UBTD2: variants seen among roughly 807,000 people sequenced by gnomAD.
UBTD2 encodes the protein ubiquitin domain containing 2, also known as ubiquitin domain-containing protein 2.
In UBTD2, 9 loss-of-function variants were observed where a neutral mutation model predicts 19.8. That is an observed-to-expected ratio of 0.46 (90% confidence interval 0.27 to 0.79). The LOEUF (loss-of-function observed/expected upper bound fraction) is 0.79, where lower values mean the gene tolerates loss of function less well. Among genes scored for constraint, UBTD2 ranks in the 30% least tolerant of loss-of-function variants. The pLI, the probability that UBTD2 is intolerant of heterozygous loss-of-function variation, is 0.14. For synonymous variants in UBTD2, 98 were observed against 103.9 expected, an observed-to-expected ratio of 0.94 and a Z score of 0.35; for missense variants, 250 against 300.4, an observed-to-expected ratio of 0.83 and a Z score of 1.24.
chr5:172,213,710 G>A (rs1771491107), intron 2 of UBTD2, among the ~76,000 whole-genome samples: 1 of 152,170 alleles, frequency 6.6e-6, no homozygotes, highest in African/African-American at 2.4e-5. Flanking sequence ...CACCTCCTGA[G>A]TAGCTGAGAC....
chr5:172,220,489 G>T (rs1167870226), intron 2 of UBTD2, among the ~76,000 whole-genome samples: 1 of 152,134 alleles, frequency 6.6e-6, no homozygotes, highest in Non-Finnish European at 1.5e-5. Flanking sequence ...TACAAAACTA[G>T]CCGAGCGTGG....
intron 1 of UBTD2, among the ~76,000 whole-genome samples, chr5:172,266,273 G>A (rs545285110): frequency 1.7e-4 from 26 of 152,288 alleles, no homozygotes; most frequent in Non-Finnish European, 3.7e-4. Context: ...GAAACAGCAC[G>A]AAAGCCCTAA....
intron 1 of UBTD2, among the ~76,000 whole-genome samples, chr5:172,263,296 C>G (rs1755309583): frequency 6.6e-6 from 1 of 152,084 alleles, no homozygotes; most frequent in South Asian, 2.1e-4. Flanking sequence ...CATACAAGTT[C>G]AAGTATGTCA....
At position 172,254,757 on chromosome 5, in the gene UBTD2, G is replaced by T. The variant is rs563561046; in HGVS notation, c.71-20399C>A. 3.9e-5 allele frequency: 11 copies of T among 278,768 alleles called. No homozygotes were observed. The East Asian group carries it at 8.3e-4, about 21-fold the overall frequency. The allele number at this position is 278,768 out of a possible 1,614,324, so 17.3% of individuals were successfully genotyped here. ...GGGGGGGAACACTGAGTTCATTAAG[G>T]GGGGGGTGACATTTCTTCAGGATAA... On this transcript the variant is annotated intron_variant, in intron 1 of 2. Coordinates refer to ENST00000393792, the MANE Select transcript of UBTD2 (RefSeq NM_152277.3).
At chr5:172,223,114 T>C (rs560223574) in intron 2 of UBTD2, among the ~76,000 whole-genome samples, 1 of 152,156 alleles carries the variant, frequency 6.6e-6, no homozygotes, top group Non-Finnish European at 1.5e-5. Flanking sequence ...GAAAGAATCA[T>C]GTAACTGGAA....
chr5:172,247,409 TGG>T (rs1297257132), intron 1 of UBTD2, among the ~76,000 whole-genome samples: 2 of 152,038 alleles, frequency 1.3e-5, no homozygotes, highest in Admixed American at 1.3e-4. Context: ...CCCAGCACTC[TGG>T]GAGACCGAGG....
At chr5:172,261,458 T>C (rs968486166) in intron 1 of UBTD2, among the ~76,000 whole-genome samples, 7 of 152,316 alleles carry the variant, frequency 4.6e-5, no homozygotes, top group Non-Finnish European at 8.8e-5. Flanking sequence ...CAAGTTTGAA[T>C]GGAGTTTTAA....
chr5:172,239,019 A>G (rs10463015), intron 1 of UBTD2, among the ~76,000 whole-genome samples: 17,443 of 152,228 alleles, frequency 0.11, 1,184 homozygotes, highest in East Asian at 0.28. Flanking sequence ...TTTAGAATGC[A>G]CTATATACAC....
Position 172,211,840 on chromosome 5 carries a change from A to C in UBTD2, c.695T>G (p.Val232Gly), listed in dbSNP as rs749313134. 1.8e-5 allele frequency: 29 copies of C among 1,608,710 alleles called. No individual in the cohort carries two copies. The highest frequency in any genetic ancestry group is 2.4e-5 in the Non-Finnish European group (28 of 1,176,226). Residue 232 changes from valine to glycine, a missense_variant, in exon 3 of 3, where the codon GTG becomes GGG. Val to Gly is a moderately radical substitution (Grantham distance 109, BLOSUM62 -3). Transcript: ENST00000393792. ...VSQPVQNPTPVEN is the reference protein window; with the variant it reads ...VSQPVQNPTPGEN ...CCAACAGGGCTCAGTTCAGTTCTCC[A>C]CTGGTGTTGGGTTCTGCACAGGTTG...
intron 1 of UBTD2, among the ~76,000 whole-genome samples, chr5:172,278,853 C>T: frequency 6.6e-6 from 1 of 152,166 alleles, no homozygotes; most frequent in Admixed American, 6.5e-5. Flanking sequence ...TGGCTCACTG[C>T]AACCTCTGCC....
At chr5:172,239,734 T>C (rs1338307369) in intron 1 of UBTD2, among the ~76,000 whole-genome samples, 5 of 151,812 alleles carry the variant, frequency 3.3e-5, no homozygotes, top group Non-Finnish European at 7.4e-5. Flanking sequence ...TGAAACCCCA[T>C]CTCTACCCAA....
chr5:172,246,750 GCTTTTT>G, intron 1 of UBTD2, among the ~76,000 whole-genome samples: 1 of 82,932 alleles, frequency 1.2e-5, no homozygotes, highest in Non-Finnish European at 2.3e-5. Flanking sequence ...AGCCGAGATT[GCTTTTT>G]TTTTTTTTTT....
chr5:172,246,845 C>A (rs1204839668), intron 1 of UBTD2, among the ~76,000 whole-genome samples: 2 of 144,788 alleles, frequency 1.4e-5, no homozygotes, highest in South Asian at 2.3e-4. Context: ...CTCACTGCAA[C>A]CTCTGCCTTC....
At chr5:172,278,551 A>G (rs1755652009) in intron 1 of UBTD2, among the ~76,000 whole-genome samples, 1 of 151,938 alleles carries the variant, frequency 6.6e-6, no homozygotes, top group Non-Finnish European at 1.5e-5. Context: ...TATACATACA[A>G]TGGAATATTA....
At chr5:172,246,619 T>C (rs1367267912) in intron 1 of UBTD2, among the ~76,000 whole-genome samples, 7 of 151,606 alleles carry the variant, frequency 4.6e-5, no homozygotes, top group Non-Finnish European at 1.0e-4. Context: ...AATTTTTGTA[T>C]TTTTGGTAGA....
At chr5:172,283,788 C>A, upstream of UBTD2, 1 of 591,656 alleles carries the variant, frequency 1.7e-6, no homozygotes, top group Non-Finnish European at 2.2e-6. The surrounding 1 kb of genome is among the most constrained non-coding windows in gnomAD (Gnocchi z 4.3). Context: ...CGCTCGCCCG[C>A]CGCGGCCCAG....
At chr5:172,272,792 C>G (rs1193876593) in intron 1 of UBTD2, among the ~76,000 whole-genome samples, 1 of 152,112 alleles carries the variant, frequency 6.6e-6, no homozygotes, top group African/African-American at 2.4e-5. Flanking sequence ...TAAAATCTGT[C>G]CAAAGAGGCC....
intron 1 of UBTD2, chr5:172,254,656 C>T (rs541082287): frequency 2.5e-5 from 15 of 603,800 alleles, no homozygotes; most frequent in African/African-American, 1.6e-4. Context: ...TTCGAGTATC[C>T]GGGGATTCCA....
intron 1 of UBTD2, among the ~76,000 whole-genome samples, chr5:172,252,809 C>A (rs1162153472): frequency 1.3e-5 from 2 of 151,980 alleles, no homozygotes; most frequent in Non-Finnish European, 2.9e-5. Flanking sequence ...GGACAAGAAT[C>A]AAAAAGTAGG....
Sources: allele counts gnomAD v4.1 joint callset (sites outside exome capture counted in the v4.1 genomes callset), GRCh38; gene constraint gnomAD v4.1.1; non-coding constraint Gnocchi (gnomAD v3.1); transcripts MANE v1.5; gene names NCBI Gene and HGNC (gene_info 2026-07-23, HGNC 2026-07-21).